The following SBK1 variants were observed in gnomAD, a reference collection of about 807,000 sequenced individuals.
SBK1 encodes the protein SH3 domain binding kinase 1.
Under a neutral mutation model 24.4 loss-of-function variants are expected in SBK1, and 11 were observed. The ratio of observed to expected loss-of-function variants is 0.45; its 90% confidence interval spans 0.28 to 0.75. SBK1 has a LOEUF of 0.75. SBK1 is among the 30% of genes least tolerant of loss of function. The pLI is 0.12. For missense variants in SBK1, 467 were observed against 620.5 expected, an observed-to-expected ratio of 0.75 and a Z score of 2.63; for synonymous variants, 308 against 284.4, an observed-to-expected ratio of 1.08 and a Z score of -0.83.
At chr16:28,283,866 A>T (rs2044548308) in intron 1 of SBK1, among the ~76,000 whole-genome samples, 1 of 151,488 alleles carries the variant, frequency 6.6e-6, no homozygotes, top group South Asian at 2.1e-4. Context: ...CAGCATCCTC[A>T]TCTCTTTTTC....
chr16:28,312,856 G>A (rs780857195), intron 1 of SBK1, among the ~76,000 whole-genome samples: 10 of 151,816 alleles, frequency 6.6e-5, no homozygotes, highest in Admixed American at 3.3e-4. Flanking sequence ...AATATGGGCC[G>A]GATGCGGTGG....
Position 28,292,713 on chromosome 16 carries a change from G to C in SBK1, c.-595G>C. Reference sequence around the variant, plus strand: ...GGGCTTCCAGCGCCCGCCGGTGGCCGGGACCCACTAAAGCCCCCGCAGCCG... The same window carrying C: ...GGGCTTCCAGCGCCCGCCGGTGGCCCGGACCCACTAAAGCCCCCGCAGCCG... On this transcript the variant is annotated 5_prime_UTR_variant, in exon 1 of 4. Coordinates refer to ENST00000341901, the MANE Select transcript of SBK1 (RefSeq NM_001024401.3). 1 of 984,670 alleles carries C rather than the reference G, an allele frequency of 1.0e-6. No homozygotes were observed. The highest frequency in any genetic ancestry group is 1.2e-6 in the Non-Finnish European group (1 of 829,432). 61.0% of individuals were successfully genotyped at this position (984,670 alleles called of 1,614,324 possible). A position where few individuals can be genotyped will look rare whatever the true frequency, so the allele number is the denominator to read the frequency against.
chr16:28,312,112 G>A (rs2044758340), intron 1 of SBK1, among the ~76,000 whole-genome samples: 1 of 152,250 alleles, frequency 6.6e-6, no homozygotes, highest in South Asian at 2.1e-4. Flanking sequence ...CACACGTCAG[G>A]AAAAGTAGGT....
chr16:28,303,372 C>T (rs1362777629), intron 1 of SBK1, among the ~76,000 whole-genome samples: 1 of 151,948 alleles, frequency 6.6e-6, no homozygotes, highest in Non-Finnish European at 1.5e-5. Flanking sequence ...GGAGAGTGAC[C>T]AGGTTGGGTG....
At chr16:28,269,566 C>A (rs1346335550) in intron 1 of SBK1, among the ~76,000 whole-genome samples, 2 of 152,046 alleles carry the variant, frequency 1.3e-5, no homozygotes, top group East Asian at 3.9e-4. Context: ...CACGGAGTGA[C>A]CATCCAAAGG....
At chr16:28,313,166 G>A (rs969569124) in intron 1 of SBK1, among the ~76,000 whole-genome samples, 17 of 152,008 alleles carry the variant, frequency 1.1e-4, no homozygotes, top group Non-Finnish European at 1.9e-4. Flanking sequence ...GTGGTGGCAC[G>A]TGCCTGTGGC....
chr16:28,292,396 G>A, upstream of SBK1: 1 of 336,136 alleles, frequency 3.0e-6, no homozygotes, highest in Admixed American at 6.7e-5. Flanking sequence ...GGCGCGCGGC[G>A]GGTGAGCGCG....
At chr16:28,298,362 C>T (rs572742019) in intron 1 of SBK1, among the ~76,000 whole-genome samples, 1 of 152,304 alleles carries the variant, frequency 6.6e-6, no homozygotes, top group South Asian at 2.1e-4. Flanking sequence ...TCTCATTTAG[C>T]CCTGAGGACA....
chr16:28,306,882 G>A (rs1014980624), intron 1 of SBK1, among the ~76,000 whole-genome samples: 1 of 152,218 alleles, frequency 6.6e-6, no homozygotes, highest in Non-Finnish European at 1.5e-5. Flanking sequence ...ATTTTCCCAA[G>A]GGCCTGTGCA....
rs1302451760 is a variant in SBK1 at position 28,292,616 on chromosome 16, G to C, written c.-692G>C. The C allele has an allele frequency of 1.2e-5, 12 of 982,010 alleles. No homozygotes were observed. The highest frequency in any genetic ancestry group is 1.4e-5 in the Non-Finnish European group (12 of 828,484). The allele number at this position is 982,010 out of a possible 1,614,324, so 60.8% of individuals were successfully genotyped here. Reference sequence around the variant, plus strand: ...AGCTGGAGCCGCAGCCGGAGCCCGGGCCAGGCCGGGGGCCGGGAGCGCAGG... The same window carrying C: ...AGCTGGAGCCGCAGCCGGAGCCCGGCCCAGGCCGGGGGCCGGGAGCGCAGG... On this transcript the variant is annotated 5_prime_UTR_variant, in exon 1 of 4. Coordinates refer to ENST00000341901, the MANE Select transcript of SBK1 (RefSeq NM_001024401.3).
intron 1 of SBK1, among the ~76,000 whole-genome samples, chr16:28,309,541 T>A (rs571387386): frequency 3.6e-4 from 55 of 152,264 alleles, no homozygotes; most frequent in Non-Finnish European, 3.1e-4. Context: ...AATCATTCAA[T>A]TGTGCACTCC....
Position 28,320,436 on chromosome 16 carries a change from G to C in SBK1, c.790G>C (p.Glu264Gln), listed in dbSNP as rs2044831465. 6.3e-7 allele frequency: 1 copy of C among 1,585,594 alleles called. No homozygotes were observed. The highest frequency in any genetic ancestry group is 8.5e-7 in the Non-Finnish European group (1 of 1,172,560). ...GGCGTCGGGCGCCGACGCCTTCTTC[G>C]AGGAGTTCGTGCGCTGGCAGCGGGG... ...EAASGADAFFEEFVRWQRGRL... is the reference protein window; with the variant it reads ...EAASGADAFFQEFVRWQRGRL... The change falls in exon 4 of 4, where the codon GAG becomes CAG. Residue 264 changes from glutamate (E) to glutamine (Q), a missense_variant. By Grantham distance (29) the Glu-to-Gln change is conservative. Transcript: ENST00000341901. The surrounding 1 kb of genome is among the most constrained non-coding windows in gnomAD (Gnocchi z 8.5).
At chr16:28,310,230 G>T (rs750514142) in intron 1 of SBK1, among the ~76,000 whole-genome samples, 1 of 152,220 alleles carries the variant, frequency 6.6e-6, no homozygotes, top group Non-Finnish European at 1.5e-5. Context: ...ACCCTCTTGA[G>T]TGTGGGTGGA....
At chr16:28,278,288 T>A (rs2044507662) in intron 1 of SBK1, among the ~76,000 whole-genome samples, 1 of 152,136 alleles carries the variant, frequency 6.6e-6, no homozygotes, top group Admixed American at 6.5e-5. Context: ...AGGCAGTGTC[T>A]AGGACAGGGA....
chr16:28,281,798 G>C (rs889551267), intron 1 of SBK1, among the ~76,000 whole-genome samples: 3 of 152,184 alleles, frequency 2.0e-5, no homozygotes, highest in African/African-American at 7.2e-5. Context: ...GGCATGAACA[G>C]AGGCCCCCTG....
chr16:28,312,088 C>A (rs1224268843), intron 1 of SBK1, among the ~76,000 whole-genome samples: 3 of 152,254 alleles, frequency 2.0e-5, no homozygotes, highest in African/African-American at 7.2e-5. Context: ...CCTCAGCAGC[C>A]CTTGGGGACT....
chr16:28,291,652 G>A (rs1056355388), upstream of SBK1: 4 of 151,448 alleles, frequency 2.6e-5, no homozygotes, highest in Non-Finnish European at 5.9e-5. Flanking sequence ...AAAGAACAGG[G>A]CCTGGAAGGA....
intron 1 of SBK1, among the ~76,000 whole-genome samples, chr16:28,277,842 G>T (rs987680254): frequency 6.6e-6 from 1 of 152,200 alleles, no homozygotes; most frequent in African/African-American, 2.4e-5. Context: ...CCCTCAGATC[G>T]TCCTGCACTA....
rs868347531 is a variant in SBK1, at chr16:28,320,011, G to A, written c.430-65G>A. 1.4e-5 allele frequency: 20 copies of A among 1,406,136 alleles called. No individual in the cohort carries two copies. The South Asian group carries it at 2.8e-4, about 20-fold the overall frequency. 87.1% of individuals were successfully genotyped at this position (1,406,136 alleles called of 1,614,324 possible). A position where few individuals can be genotyped will look rare whatever the true frequency, so the allele number is the denominator to read the frequency against. On this transcript the variant is annotated intron_variant, in intron 3 of 3. Coordinates refer to ENST00000341901, the MANE Select transcript of SBK1 (RefSeq NM_001024401.3). This position sits in a 1 kb window ranked among gnomAD's most constrained non-coding sequence, Gnocchi z 8.5. ...CCGCCTTGCTAGAGAGGGAGCTGGAGGGGAGGGCGGCGGGGCGGGCGCTGG... is the reference window on the plus strand; with the variant it reads ...CCGCCTTGCTAGAGAGGGAGCTGGAAGGGAGGGCGGCGGGGCGGGCGCTGG...
Sources: allele counts gnomAD v4.1 joint callset (sites outside exome capture counted in the v4.1 genomes callset), GRCh38; gene constraint gnomAD v4.1.1; non-coding constraint Gnocchi (gnomAD v3.1); transcripts MANE v1.5; gene names NCBI Gene and HGNC (gene_info 2026-07-23, HGNC 2026-07-21).